ACBD5: variants seen among roughly 807,000 people sequenced by gnomAD.
ACBD5 encodes acyl-CoA binding domain containing 5.
A neutral mutation model predicts 71.8 loss-of-function variants in ACBD5; 40 were observed. The ratio of observed to expected loss-of-function variants is 0.56; its 90% CI spans 0.43 to 0.72. The LOEUF (loss-of-function observed/expected upper bound fraction) is 0.72, where lower values mean the gene tolerates loss of function less well. Ranked by LOEUF, ACBD5 falls within the 30% of genes least tolerant of loss-of-function variation. The probability of loss-of-function intolerance (pLI) is 0.00; values close to 1 mark genes in which losing one functional copy is unlikely to be tolerated. For synonymous variants in ACBD5, 229 were observed against 218.6 expected, an observed-to-expected ratio of 1.05 and a Z score of -0.42; for missense variants, 559 against 644.5, an observed-to-expected ratio of 0.87 and a Z score of 1.44.
At chr10:27,222,632 G>A (rs1304411271) in intron 5 of ACBD5, among the ~76,000 whole-genome samples, 1 of 151,874 alleles carries the variant, frequency 6.6e-6, no homozygotes, top group Non-Finnish European at 1.5e-5. Flanking sequence ...GTGCAGCAGA[G>A]TGATCTCGTC....
chr10:27,183,347 G>A (rs1006464595), intron 13 of ACBD5, among the ~76,000 whole-genome samples: 4 of 152,064 alleles, frequency 2.6e-5, no homozygotes, highest in African/African-American at 7.2e-5. Flanking sequence ...GCAGTGGTGT[G>A]ATCTCGGCTC....
In ACBD5 at chr10:27,186,462, G is replaced by A. The variant is rs779790086; in HGVS notation, c.1494-3747C>T. On this transcript the variant is annotated intron_variant, in intron 13 of 13. Transcript: ENST00000676511. ...TATGCCTTTCATCCCCCAGCCAGAT[G>A]ATGAAACAGATACCTCCTATTTTGA... 24 of 1,613,982 alleles carry A rather than the reference G, an allele frequency of 1.5e-5. 1 individual carries two copies. In the Admixed American group the frequency reaches 3.8e-4, roughly 26 times the overall value.
At chr10:27,189,628 G>GGGGA (rs2058984169) in intron 13 of ACBD5, among the ~76,000 whole-genome samples, 1 of 126,820 alleles carries the variant, frequency 7.9e-6, no homozygotes, top group African/African-American at 3.0e-5. Flanking sequence ...GTTGTGGGGT[G>GGGGA]GGGGGGAGGG....
At chr10:27,239,482 CAAG>C (rs1037583969) in intron 2 of ACBD5, among the ~76,000 whole-genome samples, 4 of 151,992 alleles carry the variant, frequency 2.6e-5, no homozygotes, top group Admixed American at 2.6e-4. Flanking sequence ...ACATTAAATA[CAAG>C]AAGGAGATCA....
In ACBD5 at chr10:27,231,798, C is replaced by T; in HGVS notation, c.325G>A (p.Asp109Asn). Reference sequence around the variant, plus strand: ...ATCATGGCTTCCTCTTTGGTCATATCACCCAGTGAACTCCAAGCATCCCTA... The same window carrying T: ...ATCATGGCTTCCTCTTTGGTCATATTACCCAGTGAACTCCAAGCATCCCTA... ...YKWDAWSSLGDMTKEEAMIAY... is the reference protein window; with the variant it reads ...YKWDAWSSLGNMTKEEAMIAY... The change falls in exon 4 of 13, where the codon GAT (aspartate) becomes AAT (asparagine). Residue 109 changes from aspartate to asparagine, a missense_variant. By Grantham distance (23) the Asp-to-Asn change is conservative. Transcript: ENST00000396271. 6.2e-7 allele frequency: 1 copy of T among 1,613,756 alleles called. No homozygotes were observed. Among genetic ancestry groups the T allele is most frequent in the Non-Finnish European group, 8.5e-7 (1 of 1,179,936 alleles).
At position 27,208,422 on chromosome 10, in the gene ACBD5, C is replaced by T. The variant is rs764818384; in HGVS notation, c.1228G>A (p.Glu410Lys). ...CCCACCTGCCGGCCCTTGGTTCCTTCGCTCAAGTGTTGCATCCTATGTCCT... is the reference window on the plus strand; with the variant it reads ...CCCACCTGCCGGCCCTTGGTTCCTTTGCTCAAGTGTTGCATCCTATGTCCT... ...GRGHRMQHLS[E>K]GTKGRQVGSG... The change falls in exon 10 of 13, where the codon GAA becomes AAA. Residue 410 changes from glutamate (E) to lysine (K), a missense_variant. Coordinates refer to ENST00000396271, the MANE Select transcript of ACBD5 (RefSeq NM_145698.5). 1.5e-5 allele frequency: 25 copies of T among 1,613,910 alleles called. 2 individuals are homozygous for T. The highest frequency in any genetic ancestry group is 1.7e-5 in the Admixed American group (1 of 60,004).
intron 9 of ACBD5, 49 bp from the exon 10 acceptor site, chr10:27,208,494 G>T: frequency 6.3e-7 from 1 of 1,578,804 alleles, no homozygotes; most frequent in Non-Finnish European, 8.7e-7. Flanking sequence ...TCTTATACAA[G>T]TAAAACTGTG....
chr10:27,237,519 A>C (rs2064874113), intron 2 of ACBD5, among the ~76,000 whole-genome samples: 1 of 152,224 alleles, frequency 6.6e-6, no homozygotes. Flanking sequence ...AAATATTTAT[A>C]ATCCATTATA....
At chr10:27,231,494 G>A (rs532869523) in intron 4 of ACBD5, among the ~76,000 whole-genome samples, 11 of 152,270 alleles carry the variant, frequency 7.2e-5, no homozygotes, top group African/African-American at 2.6e-4. Flanking sequence ...TCCAGCCTGG[G>A]CTACAGAGAA....
intron 7 of ACBD5, among the ~76,000 whole-genome samples, chr10:27,216,070 C>G (rs2061591469): frequency 1.3e-5 from 2 of 152,170 alleles, no homozygotes; most frequent in Middle Eastern, 6.8e-3. Context: ...GACAGGGTTT[C>G]TCCATATTGG....
chr10:27,228,271 C>CAAAAAA lies in ACBD5; in HGVS notation c.375+3471_375+3476dup, dbSNP rs201431372. Among the ~76,000 whole-genome samples, 15 of 140,554 alleles carry CAAAAAA rather than the reference C, an allele frequency of 1.1e-4. 1 individual carries two copies. The highest frequency in any genetic ancestry group is 2.9e-4 in the Admixed American group (4 of 13,846). 92.2% of individuals were successfully genotyped at this position (140,554 alleles called of 152,430 possible). A position where few individuals can be genotyped will look rare whatever the true frequency, so the allele number is the denominator to read the frequency against. On this transcript the variant is annotated intron_variant, in intron 4 of 12. Coordinates refer to ENST00000396271, the MANE Select transcript of ACBD5 (RefSeq NM_145698.5). ...CCCCAGAAGAGAGCCTAAATTTGTA[C>CAAAAAA]AAAAAAAAAAAAATAGAATTTTGGC... is the stretch of plus-strand genomic sequence containing the variant.
At chr10:27,221,108 G>C (rs1400152749) in intron 5 of ACBD5, among the ~76,000 whole-genome samples, 1 of 147,170 alleles carries the variant, frequency 6.8e-6, no homozygotes. Context: ...AAAAAATTAT[G>C]GTGCAGGTCC....
At chr10:27,189,541 A>G (rs2058973245) in intron 13 of ACBD5, among the ~76,000 whole-genome samples, 1 of 143,132 alleles carries the variant, frequency 7.0e-6, no homozygotes, top group Non-Finnish European at 1.5e-5. Context: ...CAAACACCGC[A>G]TGTTCTCACT....
intron 12 of ACBD5, among the ~76,000 whole-genome samples, chr10:27,203,960 A>G (rs1032469736): frequency 2.0e-5 from 3 of 151,668 alleles, no homozygotes; most frequent in African/African-American, 4.8e-5. Context: ...CTCACAAACC[A>G]TAAAATTTAA....
chr10:27,229,998 T>G (rs2063640220), intron 4 of ACBD5, among the ~76,000 whole-genome samples: 1 of 151,996 alleles, frequency 6.6e-6, no homozygotes, highest in African/African-American at 2.4e-5. Context: ...TACCATTAAT[T>G]AACACAATTG....
intron 10 of ACBD5, 98 bp from the exon 11 acceptor site, chr10:27,205,346 T>G (rs533058191): frequency 1.7e-4 from 201 of 1,191,066 alleles, no homozygotes; most frequent in East Asian, 1.6e-3. Context: ...AATATTGAGG[T>G]TTTTTTTGGT....
chr10:27,192,264 CATCCAAAGTAGGG>C (rs2059111411), downstream of ACBD5, among the ~76,000 whole-genome samples: 1 of 149,886 alleles, frequency 6.7e-6, no homozygotes, highest in African/African-American at 2.5e-5. Context: ...TTTAAGTCTA[CATCCAAAGTAGGG>C]ATTGTGAAAA....
downstream of ACBD5, among the ~76,000 whole-genome samples, chr10:27,191,236 C>A (rs11015600): frequency 1.3e-5 from 2 of 152,016 alleles, no homozygotes; most frequent in African/African-American, 4.8e-5. Context: ...TCCAAATATA[C>A]GACACTGTAG....
At position 27,208,454 on chromosome 10, in the gene ACBD5, A is replaced by G. The variant is rs2060704904; in HGVS notation, c.1205-9T>C. The G allele has an allele frequency of 6.2e-7, 1 of 1,613,052 alleles. No individual in the cohort carries two copies. Among genetic ancestry groups the G allele is most frequent in the African/African-American group, 1.3e-5 (1 of 74,898 alleles). ...GTGTTGCATCCTATGTCCTATTTTA[A>G]GAGGCAAAAATAAGCTTGTTTTAAA... On this transcript the variant is annotated splice_polypyrimidine_tract_variant and intron_variant, in intron 9 of 12. Transcript: ENST00000396271.
Sources: gnomAD v4.1 joint callset for allele counts (sites outside exome capture counted in the v4.1 genomes callset) on GRCh38, gnomAD v4.1.1 for gene constraint, MANE v1.5 for transcripts, NCBI Gene and HGNC (gene_info 2026-07-23, HGNC 2026-07-21) for gene names.